AIG1: variants seen among roughly 807,000 people sequenced by gnomAD.
The protein encoded by AIG1 is androgen induced 1.
In AIG1, 23 loss-of-function variants were observed where a neutral mutation model predicts 31.4. The ratio of observed to expected loss-of-function variants is 0.73; its 90% CI spans 0.53 to 1.04. The LOEUF (loss-of-function observed/expected upper bound fraction) is 1.04. Among genes scored for constraint, AIG1 ranks in the 50% least tolerant of loss-of-function variants. The pLI is 0.00. For missense variants in AIG1, 274 were observed against 295.0 expected, an observed-to-expected ratio of 0.93 and a Z score of 0.52; for synonymous variants, 100 against 110.5, an observed-to-expected ratio of 0.90 and a Z score of 0.60.
At chr6:143,161,211 G>A (rs189958542) in intron 2 of AIG1, among the ~76,000 whole-genome samples, 1 of 152,148 alleles carries the variant, frequency 6.6e-6, no homozygotes, top group Admixed American at 6.5e-5. Flanking sequence ...AGCCCAAATA[G>A]CCCTATATTT....
chr6:143,282,383 G>A lies in AIG1; in HGVS notation c.400-1727G>A, dbSNP rs917356669. ...TGCTAGCTGTATATTTGAATTTTGC[G>A]TGAATGCACCATTGTAAAACTATTG... On this transcript the variant is annotated intron_variant, in intron 3 of 5. Coordinates refer to ENST00000357847, the MANE Select transcript of AIG1 (RefSeq NM_016108.4). Among the ~76,000 whole-genome samples the A allele has an allele frequency of 2.6e-4, 39 of 152,198 alleles. 1 individual carries two copies. Among genetic ancestry groups the A allele is most frequent in the African/African-American group, 9.1e-4 (38 of 41,544 alleles).
downstream of AIG1, chr6:143,343,475 G>T (rs755021112): frequency 7.2e-5 from 20 of 276,896 alleles, no homozygotes; most frequent in Non-Finnish European, 1.2e-4. Flanking sequence ...CTACGTTCCC[G>T]CCTGGAAGAC....
chr6:143,228,098 C>T (rs1439639128), intron 3 of AIG1, among the ~76,000 whole-genome samples: 1 of 152,190 alleles, frequency 6.6e-6, no homozygotes, highest in Non-Finnish European at 1.5e-5. Context: ...GCCCCTCCCA[C>T]TCGGACCTCC....
chr6:143,142,062 A>T lies in AIG1; in HGVS notation c.297+5072A>T, dbSNP rs534266532. Among the ~76,000 whole-genome samples, 3 of 152,242 alleles carry T rather than the reference A, an allele frequency of 2.0e-5. No individual in the cohort carries two copies. In the South Asian group the frequency reaches 6.2e-4, roughly 32 times the overall value. On this transcript the variant is annotated intron_variant, in intron 2 of 5. Transcript: ENST00000357847. ...AAAAGAACAATTATTTATATATTTT[A>T]TACATTTTAAACTTTCTGTCTTTGT... is the stretch of plus-strand genomic sequence containing the variant.
At chr6:143,121,223 A>C (rs1782215815) in intron 1 of AIG1, among the ~76,000 whole-genome samples, 1 of 152,056 alleles carries the variant, frequency 6.6e-6, no homozygotes, top group South Asian at 2.1e-4. Context: ...GTGTGTCTTT[A>C]ATTCCTCTAG....
rs1365757172 is a variant in AIG1, at chr6:143,326,465, C to T, written c.516-6817C>T. 2.6e-5 allele frequency among the ~76,000 whole-genome samples: 4 copies of T among 152,100 alleles called. No individual in the cohort carries two copies. Among genetic ancestry groups the T allele is most frequent in the Non-Finnish European group, 5.9e-5 (4 of 68,022 alleles). ...ATTCATTCATTCTTCTAGTGTGTGA[C>T]AGGCATTCTGATAAGTGCTGAGGAT... On this transcript the variant is annotated intron_variant, in intron 4 of 5. Transcript: ENST00000357847. This position sits in a 1 kb window ranked among gnomAD's most constrained non-coding sequence, Gnocchi z 4.5.
chr6:143,109,645 T>C (rs1781100775), intron 1 of AIG1, among the ~76,000 whole-genome samples: 1 of 152,182 alleles, frequency 6.6e-6, no homozygotes, highest in Non-Finnish European at 1.5e-5. Flanking sequence ...TTGTTAATCA[T>C]TTTTATTTCC....
At chr6:143,189,383 CT>C (rs1182355193) in intron 3 of AIG1, 1 of 977,976 alleles carries the variant, frequency 1.0e-6, no homozygotes. Context: ...CACCCAGCCC[CT>C]GCTCACATTT....
intron 4 of AIG1, among the ~76,000 whole-genome samples, chr6:143,324,337 T>C (rs2128717798): frequency 6.6e-6 from 1 of 152,370 alleles, no homozygotes; most frequent in East Asian, 1.9e-4. Flanking sequence ...GTGATTTATC[T>C]TGCATCTTGC....
chr6:143,188,240 C>T lies in AIG1; in HGVS notation c.399+23057C>T, dbSNP rs1461006740. ...ACTCTAGGAGAGGGGCGTTTCTTTC[C>T]TCAGTAGGCACACTCATAGAGTAAA... On this transcript the variant is annotated intron_variant, in intron 3 of 5. Transcript: ENST00000357847. 4.0e-6 allele frequency: 4 copies of T among 988,982 alleles called. No homozygotes were observed. In the African/African-American group the frequency reaches 7.0e-5, roughly 17 times the overall value. The allele number at this position is 988,982 out of a possible 1,614,324, so 61.3% of individuals were successfully genotyped here.
At chr6:143,094,215 A>G (rs1220250991) in intron 1 of AIG1, 2 of 152,188 alleles carry the variant, frequency 1.3e-5, no homozygotes, top group Non-Finnish European at 2.9e-5. Context: ...GGCGTCCATA[A>G]GATTCTTTTC....
At chr6:143,266,190 T>C (rs1401341853) in intron 3 of AIG1, among the ~76,000 whole-genome samples, 1 of 151,636 alleles carries the variant, frequency 6.6e-6, no homozygotes, top group African/African-American at 2.4e-5. Context: ...TCTACTAAAA[T>C]ACAAAAATTA....
At chr6:143,196,586 G>T (rs1168423930) in intron 3 of AIG1, among the ~76,000 whole-genome samples, 3 of 152,110 alleles carry the variant, frequency 2.0e-5, no homozygotes, top group Non-Finnish European at 2.9e-5. Flanking sequence ...GATGAAATTG[G>T]ACTCAACTTG....
intron 3 of AIG1, among the ~76,000 whole-genome samples, chr6:143,277,508 C>T (rs562105829): frequency 2.6e-5 from 4 of 152,310 alleles, no homozygotes; most frequent in South Asian, 2.1e-4. Flanking sequence ...GCAACACACA[C>T]GCACATGCAC....
intron 3 of AIG1, among the ~76,000 whole-genome samples, chr6:143,236,782 A>G (rs190190145): frequency 2.0e-5 from 3 of 152,332 alleles, no homozygotes; most frequent in Admixed American, 2.0e-4. Context: ...AGTCAACCTA[A>G]ATGACACTGC....
chr6:143,097,554 A>C (rs1779904122), intron 1 of AIG1, among the ~76,000 whole-genome samples: 2 of 152,176 alleles, frequency 1.3e-5, no homozygotes, highest in East Asian at 3.9e-4. Context: ...ATAACCACAA[A>C]TATCCAATGA....
chr6:143,144,458 T>G (rs1331144697), intron 2 of AIG1, among the ~76,000 whole-genome samples: 2 of 152,158 alleles, frequency 1.3e-5, no homozygotes, highest in Non-Finnish European at 2.9e-5. Flanking sequence ...GTGTTTAAGG[T>G]GCAGAGAAGT....
At chr6:143,224,463 C>T (rs1313906760) in intron 3 of AIG1, among the ~76,000 whole-genome samples, 1 of 152,138 alleles carries the variant, frequency 6.6e-6, no homozygotes, top group Non-Finnish European at 1.5e-5. Context: ...AGATCTTCAG[C>T]TTCTTCATTT....
intron 1 of AIG1, among the ~76,000 whole-genome samples, chr6:143,122,198 T>G (rs1782299188): frequency 6.6e-6 from 1 of 152,166 alleles, no homozygotes; most frequent in South Asian, 2.1e-4. Context: ...CATATATTTT[T>G]ATTAATACCT....
Sources: gnomAD v4.1 joint callset for allele counts (sites outside exome capture counted in the v4.1 genomes callset) on GRCh38, gnomAD v4.1.1 for gene constraint, Gnocchi (gnomAD v3.1) non-coding constraint, MANE v1.5 for transcripts, NCBI Gene and HGNC (gene_info 2026-07-23, HGNC 2026-07-21) for gene names.